The following LRRTM4 variants were observed in gnomAD, a reference collection of about 807,000 sequenced individuals.
LRRTM4 encodes leucine rich repeat transmembrane neuronal 4.
In LRRTM4, 25 loss-of-function variants were observed where a neutral mutation model predicts 47.6. The ratio of observed to expected loss-of-function variants is 0.53; its 90% confidence interval spans 0.38 to 0.73. The LOEUF (loss-of-function observed/expected upper bound fraction) is 0.73, where lower values mean the gene tolerates loss of function less well. LRRTM4 is among the 30% of genes least tolerant of loss of function. The probability of loss-of-function intolerance (pLI) is 0.00; values close to 1 mark genes in which losing one functional copy is unlikely to be tolerated. For synonymous variants in LRRTM4, 311 were observed against 269.5 expected (o/e 1.15, Z -1.51); for missense variants, 638 against 713.4 (o/e 0.89, Z 1.20).
intron 3 of LRRTM4, among the ~76,000 whole-genome samples, chr2:77,454,873 C>T (rs1676461998): frequency 1.3e-5 from 2 of 152,072 alleles, no homozygotes; most frequent in South Asian, 4.1e-4. Context: ...GCTGCCCCCC[C>T]TTTTATTTAT....
At chr2:76,882,253 C>G (rs546391351) in intron 3 of LRRTM4, among the ~76,000 whole-genome samples, 1 of 152,148 alleles carries the variant, frequency 6.6e-6, no homozygotes, top group East Asian at 1.9e-4. Context: ...GTATAAAGTA[C>G]TTTTTGTGTA....
chr2:77,017,367 G>C (rs898035560), intron 3 of LRRTM4, among the ~76,000 whole-genome samples: 4 of 152,108 alleles, frequency 2.6e-5, no homozygotes, highest in African/African-American at 9.7e-5. Flanking sequence ...TCCTTTTATA[G>C]AACAAATGCC....
chr2:77,192,927 T>C (rs1323058458), intron 3 of LRRTM4, among the ~76,000 whole-genome samples: 5 of 152,180 alleles, frequency 3.3e-5, no homozygotes, highest in Admixed American at 3.3e-4. Flanking sequence ...CAGTCAAATT[T>C]CTGGCAGGTG....
intron 3 of LRRTM4, among the ~76,000 whole-genome samples, chr2:77,200,389 T>C (rs911297699): frequency 1.3e-5 from 2 of 152,102 alleles, no homozygotes; most frequent in Non-Finnish European, 2.9e-5. Context: ...TAAATACATT[T>C]ATATATGTGT....
At chr2:77,313,465 T>C (rs184950440) in intron 3 of LRRTM4, among the ~76,000 whole-genome samples, 101 of 116,498 alleles carry the variant, frequency 8.7e-4, no homozygotes, top group Middle Eastern at 8.9e-3. Context: ...ATCCTGTTGC[T>C]GTGATGTACC....
At chr2:77,207,340 C>CATATATATATATATATAT (rs1285500508) in intron 3 of LRRTM4, among the ~76,000 whole-genome samples, 3 of 90,024 alleles carry the variant, frequency 3.3e-5, no homozygotes, top group African/African-American at 1.3e-4. Flanking sequence ...TTCCTAATTT[C>CATATATATATATATATAT]ATATATGTGT....
chr2:77,486,545 G>GA (rs1160346802), intron 3 of LRRTM4, among the ~76,000 whole-genome samples: 6 of 151,894 alleles, frequency 4.0e-5, no homozygotes, highest in African/African-American at 1.2e-4. Flanking sequence ...TATTTCTCAT[G>GA]AAAAAATAAC....
intron 3 of LRRTM4, among the ~76,000 whole-genome samples, chr2:77,323,829 G>A (rs1166043418): frequency 2.0e-5 from 3 of 152,148 alleles, no homozygotes; most frequent in Non-Finnish European, 2.9e-5. Flanking sequence ...GGTCTTGGGC[G>A]AGTTACTTAA....
At chr2:76,862,888 A>G (rs13405495) in intron 3 of LRRTM4, among the ~76,000 whole-genome samples, 3,821 of 152,302 alleles carry the variant, frequency 0.025, 152 homozygotes, top group African/African-American at 0.086. Flanking sequence ...TTTTTGCAGA[A>G]AATCTCTTGG....
chr2:77,282,157 C>T (rs1676523647), intron 3 of LRRTM4, among the ~76,000 whole-genome samples: 1 of 151,946 alleles, frequency 6.6e-6, no homozygotes, highest in Middle Eastern at 3.4e-3. Flanking sequence ...TCTTTCACCT[C>T]CTTGGTTAGA....
intron 3 of LRRTM4, among the ~76,000 whole-genome samples, chr2:77,128,240 G>A (rs1005215650): frequency 3.3e-5 from 5 of 152,028 alleles, no homozygotes; most frequent in African/African-American, 7.2e-5. Flanking sequence ...TACAGATGAC[G>A]TAAGGGAAAA....
intron 3 of LRRTM4, among the ~76,000 whole-genome samples, chr2:77,105,208 G>A (rs1671063129): frequency 6.6e-6 from 1 of 152,168 alleles, no homozygotes; most frequent in Non-Finnish European, 1.5e-5. Flanking sequence ...CCTTTAAAAT[G>A]TTATGACGCA....
At chr2:77,076,024 C>T (rs1680327344) in intron 3 of LRRTM4, among the ~76,000 whole-genome samples, 2 of 150,820 alleles carry the variant, frequency 1.3e-5, no homozygotes, top group Admixed American at 6.6e-5. Flanking sequence ...AAACTATTTC[C>T]ATTTATATCA....
At chr2:76,765,409 C>T (rs373146309) in intron 3 of LRRTM4, among the ~76,000 whole-genome samples, 5 of 152,048 alleles carry the variant, frequency 3.3e-5, no homozygotes, top group Admixed American at 6.6e-5. Flanking sequence ...GCAAACAGAA[C>T]GTAAAGTTTT....
intron 3 of LRRTM4, among the ~76,000 whole-genome samples, chr2:77,473,478 C>A (rs1278912640): frequency 6.6e-6 from 1 of 152,052 alleles, no homozygotes; most frequent in African/African-American, 2.4e-5. Flanking sequence ...CACCTGATAG[C>A]TCTATTAGCC....
chr2:77,221,793 T>C (rs917880382), intron 3 of LRRTM4, among the ~76,000 whole-genome samples: 14 of 152,200 alleles, frequency 9.2e-5, no homozygotes, highest in Non-Finnish European at 1.8e-4. Flanking sequence ...ATTAGACAGA[T>C]CAATGAGACA....
At chr2:77,237,230 G>T (rs758556403) in intron 3 of LRRTM4, among the ~76,000 whole-genome samples, 106 of 150,362 alleles carry the variant, frequency 7.0e-4, no homozygotes, top group Non-Finnish European at 9.4e-4. Flanking sequence ...CTTGATATTA[G>T]TCTGTTCAGG....
chr2:76,796,143 C>T (rs1675305953), intron 3 of LRRTM4, among the ~76,000 whole-genome samples: 1 of 143,998 alleles, frequency 6.9e-6, no homozygotes, highest in Admixed American at 6.9e-5. Context: ...AGATTATATC[C>T]CGCACATGGC....
Position 76,943,833 on chromosome 2 carries a change from A to G in LRRTM4, c.1552-194917T>C, listed in dbSNP as rs74553117. 2.1e-3 allele frequency among the ~76,000 whole-genome samples: 323 copies of G among 152,274 alleles called. 1 individual carries two copies. Among genetic ancestry groups the G allele is most frequent in the African/African-American group, 7.5e-3 (312 of 41,542 alleles). On this transcript the variant is annotated intron_variant, in intron 3 of 3. Transcript: ENST00000409884. ...AAGCATCAGCCTTAATGTCTTGCTT[A>G]TCTTCTTTGTTTGCACCCAGTTCCA...
Sources: gnomAD v4.1 joint callset for allele counts (sites outside exome capture counted in the v4.1 genomes callset) on GRCh38, gnomAD v4.1.1 for gene constraint, MANE v1.5 for transcripts, NCBI Gene and HGNC (gene_info 2026-07-23, HGNC 2026-07-21) for gene names.